FMN1: variants seen among roughly 807,000 people sequenced by gnomAD.
FMN1 encodes the protein formin-1.
In FMN1, 110 loss-of-function variants were observed where a neutral mutation model predicts 132.4. The observed-to-expected ratio is 0.83, with a 90% CI of 0.71 to 0.97. The LOEUF (loss-of-function observed/expected upper bound fraction) is 0.97, where lower values mean the gene tolerates loss of function less well. FMN1 is among the 50% of genes least tolerant of loss of function. FMN1 has a pLI of 0.00. For synonymous variants in FMN1, 722 were observed against 651.7 expected (o/e 1.11, Z -1.64); for missense variants, 1,792 against 1,705.3 (o/e 1.05, Z -0.90).
At chr15:32,923,606 G>A (rs1392688579) in intron 10 of FMN1, among the ~76,000 whole-genome samples, 1 of 152,226 alleles carries the variant, frequency 6.6e-6, no homozygotes, top group Non-Finnish European at 1.5e-5. Flanking sequence ...TTCGGACGCT[G>A]AAATGAAAGT....
intron 4 of FMN1, among the ~76,000 whole-genome samples, chr15:33,143,983 A>T (rs1964108924): frequency 6.6e-6 from 1 of 152,220 alleles, no homozygotes; most frequent in African/African-American, 2.4e-5. Context: ...TGATAGAAAT[A>T]TGATATGGAA....
At chr15:32,905,861 A>G (rs1159908847) in intron 12 of FMN1, among the ~76,000 whole-genome samples, 1 of 151,252 alleles carries the variant, frequency 6.6e-6, no homozygotes, top group African/African-American at 2.5e-5. Flanking sequence ...GGAGGTTGGT[A>G]GCAAAGGTGA....
At position 33,154,718 on chromosome 15, in the gene FMN1, G is replaced by A. The variant is rs149938731; in HGVS notation, c.197C>T (p.Pro66Leu). ...ESDIISLSQE[P>L]DEHPGDIFFK... ...AAATATGTCGCCTGGATGTTCGTCC[G>A]GCTCCTGGCTGAGGCTGATGATGTC... Residue 66 changes from proline (P) to leucine (L), a missense_variant, in exon 4 of 21, where the codon CCG becomes CTG. By Grantham distance (98) the Pro-to-Leu change is moderately conservative. Coordinates refer to ENST00000616417, the MANE Select transcript of FMN1 (RefSeq NM_001277313.2). The A allele has an allele frequency of 1.0e-4, 157 of 1,536,048 alleles. 2 individuals are homozygous for A. In the East Asian group the frequency reaches 3.0e-3, roughly 29 times the overall value.
At chr15:32,895,528 T>C (rs1469742925) in intron 15 of FMN1, among the ~76,000 whole-genome samples, 4 of 152,144 alleles carry the variant, frequency 2.6e-5, no homozygotes, top group Non-Finnish European at 5.9e-5. Flanking sequence ...ATGTATAATT[T>C]GGTGAATCAA....
At chr15:33,115,867 A>C (rs1293598160) in intron 4 of FMN1, among the ~76,000 whole-genome samples, 4 of 152,120 alleles carry the variant, frequency 2.6e-5, no homozygotes, top group Admixed American at 2.6e-4. Context: ...GCTTCCAATG[A>C]GAGGAATTCT....
chr15:33,067,114 C>G, intron 5 of FMN1: 3 of 1,614,020 alleles, frequency 1.9e-6, no homozygotes, highest in South Asian at 2.2e-5. Context: ...AAGAGGCACT[C>G]TCAGTGATAC....
At chr15:32,885,601 A>G (rs1284210475) in intron 16 of FMN1, among the ~76,000 whole-genome samples, 1 of 152,232 alleles carries the variant, frequency 6.6e-6, no homozygotes, top group Non-Finnish European at 1.5e-5. Flanking sequence ...TGATATAGAT[A>G]AAGCACTTGA....
At chr15:32,967,139 C>T (rs1329367573) in intron 8 of FMN1, among the ~76,000 whole-genome samples, 1 of 152,192 alleles carries the variant, frequency 6.6e-6, no homozygotes, top group Non-Finnish European at 1.5e-5. Context: ...ACCAGTGAGA[C>T]CTTCAGTATT....
chr15:33,160,684 CGGCTCTGCAGA>C (rs973253921), intron 3 of FMN1, among the ~76,000 whole-genome samples: 2 of 152,132 alleles, frequency 1.3e-5, no homozygotes, highest in African/African-American at 4.8e-5. Flanking sequence ...TCAAATGCAG[CGGCTCTGCAGA>C]GGCACACACT....
intron 17 of FMN1, among the ~76,000 whole-genome samples, chr15:32,856,511 T>C (rs574351080): frequency 4.7e-4 from 72 of 152,328 alleles, no homozygotes; most frequent in South Asian, 6.2e-4. Context: ...AGAGGGCTGA[T>C]AGGTAGCAAG....
chr15:33,017,888 A>G (rs2035154978), intron 6 of FMN1, among the ~76,000 whole-genome samples: 1 of 152,088 alleles, frequency 6.6e-6, no homozygotes, highest in African/African-American at 2.4e-5. Flanking sequence ...AACATGGCAA[A>G]ACCTAGTCTC....
At chr15:32,999,686 G>A (rs1399149635) in intron 7 of FMN1, among the ~76,000 whole-genome samples, 2 of 152,196 alleles carry the variant, frequency 1.3e-5, no homozygotes, top group African/African-American at 4.8e-5. Context: ...TAAAGGAAAT[G>A]TCACTATTGG....
chr15:33,066,369 A>C (rs1241670640), intron 5 of FMN1: 1 of 745,330 alleles, frequency 1.3e-6, no homozygotes, highest in African/African-American at 1.8e-5. Context: ...TACTCCTTAC[A>C]GGACAATATA....
chr15:32,792,037 G>T (rs2057098791), intron 19 of FMN1, among the ~76,000 whole-genome samples: 1 of 152,144 alleles, frequency 6.6e-6, no homozygotes, highest in Non-Finnish European at 1.5e-5. Context: ...CTTGGGGAAG[G>T]CCCACACTTA....
rs1300407279 is a variant in FMN1 at position 32,969,048 on chromosome 15, G to A, written c.2653C>T (p.Leu885Phe). The change falls in exon 8 of 21, where the codon CTT becomes TTT. Residue 885 changes from leucine (L) to phenylalanine (F), a missense_variant. Physicochemically the swap from Leu to Phe is conservative, Grantham distance 22 (BLOSUM62 0). Around this residue, in one of 3 missense-constraint regions of FMN1, gnomAD observed 1,150 missense variants for 1,043.1 expected, o/e 1.10. Transcript: ENST00000616417. ...GGAGGTGCGGGAGACAAAGATCCAA[G>A]TCCTGAGGGGAGGGGCGGAGGGGGA... ...IPPPPPLPSG[L>F]GSLSPAPPMP... 6.6e-7 allele frequency: 1 copy of A among 1,515,298 alleles called. No individual in the cohort carries two copies. The highest frequency in any genetic ancestry group is 9.0e-7 in the Non-Finnish European group (1 of 1,117,286). 93.9% of individuals were successfully genotyped at this position (1,515,298 alleles called of 1,614,324 possible).
rs1022571686 is a variant in FMN1, at chr15:33,014,310, C to G, written c.2162-6235G>C. On this transcript the variant is annotated intron_variant, in intron 6 of 20. Transcript: ENST00000616417. ...GATGCTTCTTGAGGCTTGCAGATGCCTGAGTGTGAGGATGGGGAGGCAGAG... is the reference window on the plus strand; with the variant it reads ...GATGCTTCTTGAGGCTTGCAGATGCGTGAGTGTGAGGATGGGGAGGCAGAG... 3.3e-5 allele frequency among the ~76,000 whole-genome samples: 5 copies of G among 152,300 alleles called. No homozygotes were observed. In the East Asian group the frequency reaches 9.6e-4, roughly 29 times the overall value.
chr15:32,913,355 A>C (rs372002917), intron 10 of FMN1, among the ~76,000 whole-genome samples: 6 of 152,296 alleles, frequency 3.9e-5, no homozygotes, highest in African/African-American at 1.4e-4. Context: ...TCAAAATTTT[A>C]CTGTGATGCT....
chr15:32,783,489 G>A (rs1249166598), intron 19 of FMN1, among the ~76,000 whole-genome samples: 1 of 152,098 alleles, frequency 6.6e-6, no homozygotes, highest in African/African-American at 2.4e-5. Flanking sequence ...GCTCACGCCT[G>A]TAATCCCAGC....
At chr15:32,804,586 C>T (rs1193803069) in intron 17 of FMN1, among the ~76,000 whole-genome samples, 1 of 151,384 alleles carries the variant, frequency 6.6e-6, no homozygotes, top group East Asian at 2.0e-4. Flanking sequence ...CATATGTATA[C>T]ATGTGCCATG....
Sources: allele counts gnomAD v4.1 joint callset (sites outside exome capture counted in the v4.1 genomes callset), GRCh38; gene constraint gnomAD v4.1.1; regional missense constraint gnomAD v4.1.1; transcripts MANE v1.5; gene names NCBI Gene and HGNC (gene_info 2026-07-23, HGNC 2026-07-21).